The following ESR1 variants were observed in gnomAD, a reference collection of about 807,000 sequenced individuals.
ESR1 encodes estrogen receptor 1.
ESR1 carries 12 observed loss-of-function variants against 52.7 expected under a neutral mutation model. The observed-to-expected ratio is 0.23, with a 90% CI of 0.15 to 0.37. The LOEUF (loss-of-function observed/expected upper bound fraction) is 0.37. Among genes scored for constraint, ESR1 ranks in the 10% least tolerant of loss-of-function variants. The pLI is 1.00. For missense variants in ESR1, 584 were observed against 779.7 expected, an observed-to-expected ratio of 0.75 and a Z score of 2.99; for synonymous variants, 305 against 316.8, an observed-to-expected ratio of 0.96 and a Z score of 0.39.
intron 3 of ESR1, among the ~76,000 whole-genome samples, chr6:151,938,524 T>A (rs1205523103): frequency 6.6e-6 from 1 of 152,188 alleles, no homozygotes; most frequent in Admixed American, 6.5e-5. Context: ...CTTTAGCTCC[T>A]TTCACCTTGC....
chr6:152,073,163 A>G (rs2048480247), intron 6 of ESR1, among the ~76,000 whole-genome samples: 1 of 152,094 alleles, frequency 6.6e-6, no homozygotes, highest in African/African-American at 2.4e-5. Context: ...AGTTTCGGAA[A>G]TGTGAGCAGC....
At chr6:151,749,043 G>A (rs1783697368) in intron 2 of ESR1, among the ~76,000 whole-genome samples, 1 of 151,984 alleles carries the variant, frequency 6.6e-6, no homozygotes, top group African/African-American at 2.4e-5. Context: ...AGTCTAATAA[G>A]GGGGACATAT....
chr6:151,724,754 C>A (rs527297676), intron 2 of ESR1, among the ~76,000 whole-genome samples: 2 of 152,278 alleles, frequency 1.3e-5, no homozygotes, highest in East Asian at 3.9e-4. Context: ...GGGGGAAATT[C>A]GCCCAGCGTT....
intron 2 of ESR1, among the ~76,000 whole-genome samples, chr6:151,862,415 G>A (rs1247521815): frequency 2.0e-5 from 3 of 152,148 alleles, no homozygotes; most frequent in Non-Finnish European, 2.9e-5. Context: ...AGTTAGTCCT[G>A]GTTGCCAAGG....
Position 152,099,731 on chromosome 6 carries a change from A to C in ESR1, c.*765A>C. 3.2e-6 allele frequency: 1 copy of C among 315,028 alleles called. No homozygotes were observed. Among genetic ancestry groups the C allele is most frequent in the South Asian group, 1.6e-4 (1 of 6,274 alleles). The allele number at this position is 315,028 out of a possible 1,614,324, so 19.5% of individuals were successfully genotyped here. A position where few individuals can be genotyped will look rare whatever the true frequency, so the allele number is the denominator to read the frequency against. On this transcript the variant is annotated 3_prime_UTR_variant, in exon 8 of 8. Transcript: ENST00000206249. ...GAGAGCAGCAAGTTGATCTTAGTTA[A>C]GTCTCCCTATATGAGGGATAAGTTC...
intron 1 of ESR1, among the ~76,000 whole-genome samples, chr6:151,676,360 G>A (rs1250507793): frequency 6.6e-6 from 1 of 152,198 alleles, no homozygotes; most frequent in Non-Finnish European, 1.5e-5. Context: ...CCTGTTTTAT[G>A]AACAAATACT....
rs1263967862 is a variant in ESR1, at chr6:151,924,726, T to G, written c.761-19447T>G. ...TCCTGCATTAGTTTGCTAAGGATAA[T>G]GTCCTCCAGCTCCATCCTTGTTCCT... On this transcript the variant is annotated intron_variant, in intron 3 of 7. Coordinates refer to ENST00000206249, the MANE Select transcript of ESR1 (RefSeq NM_000125.4). Among the ~76,000 whole-genome samples, 13 of 152,336 alleles carry G rather than the reference T, an allele frequency of 8.5e-5. No homozygotes were observed. In the East Asian group the frequency reaches 2.3e-3, roughly 27 times the overall value.
At chr6:152,105,862 G>A (rs1300381246), downstream of ESR1, among the ~76,000 whole-genome samples, 6 of 127,180 alleles carry the variant, frequency 4.7e-5, no homozygotes, top group South Asian at 2.6e-4. Flanking sequence ...ATCTCGGCTC[G>A]CTGCAAGCTC....
chr6:151,697,773 T>C (rs768615817), intron 1 of ESR1, among the ~76,000 whole-genome samples: 2 of 146,036 alleles, frequency 1.4e-5, no homozygotes, highest in African/African-American at 4.9e-5. Flanking sequence ...TATGATTCTA[T>C]AGCTTTTGCC....
intron 1 of ESR1, among the ~76,000 whole-genome samples, chr6:151,828,405 A>G (rs1483856847): frequency 1.3e-5 from 2 of 152,198 alleles, no homozygotes; most frequent in Non-Finnish European, 2.9e-5. Context: ...GAGAGGTAGC[A>G]GAGTGAAGCT....
chr6:152,028,888 C>A (rs995661706), intron 5 of ESR1, among the ~76,000 whole-genome samples: 19 of 152,284 alleles, frequency 1.2e-4, no homozygotes, highest in Non-Finnish European at 1.3e-4. Context: ...ACTGGGCACA[C>A]CCCAGTAGGG....
intron 4 of ESR1, among the ~76,000 whole-genome samples, chr6:151,964,233 T>C (rs2038000145): frequency 6.6e-6 from 1 of 152,196 alleles, no homozygotes; most frequent in Admixed American, 6.5e-5. Flanking sequence ...TGATAGGAAG[T>C]GCATTGAATC....
chr6:151,859,802 G>A (rs1342539488), intron 2 of ESR1, among the ~76,000 whole-genome samples: 3 of 152,134 alleles, frequency 2.0e-5, no homozygotes, highest in Non-Finnish European at 2.9e-5. Flanking sequence ...CCTGGGGCTC[G>A]CCCTGTGAAA....
At chr6:151,700,770 T>C (rs1779716836) in intron 1 of ESR1, among the ~76,000 whole-genome samples, 1 of 150,754 alleles carries the variant, frequency 6.6e-6, no homozygotes, top group Non-Finnish European at 1.5e-5. Context: ...ATATTTCAGA[T>C]GGAAAAACAA....
intron 2 of ESR1, among the ~76,000 whole-genome samples, chr6:151,760,633 C>G (rs562798774): frequency 6.6e-6 from 1 of 152,194 alleles, no homozygotes; most frequent in Non-Finnish European, 1.5e-5. Flanking sequence ...CCAGCCTGCT[C>G]CCTTAATGCT....
chr6:151,835,590 G>A (rs1783194630), intron 1 of ESR1, among the ~76,000 whole-genome samples: 1 of 152,220 alleles, frequency 6.6e-6, no homozygotes, highest in African/African-American at 2.4e-5. Flanking sequence ...CTTAAGATAA[G>A]TCGTATAAAT....
intron 2 of ESR1, among the ~76,000 whole-genome samples, chr6:151,744,897 G>A (rs1203007975): frequency 6.6e-6 from 1 of 152,148 alleles, no homozygotes; most frequent in East Asian, 1.9e-4. Flanking sequence ...TATGGTGTGA[G>A]GTAGAGGTTC....
At chr6:151,905,130 C>T (rs139301496) in intron 3 of ESR1, among the ~76,000 whole-genome samples, 21 of 152,196 alleles carry the variant, frequency 1.4e-4, no homozygotes, top group African/African-American at 5.1e-4. Context: ...CTCCAATGAA[C>T]CACCCAGGTT....
intron 4 of ESR1, among the ~76,000 whole-genome samples, chr6:152,000,797 T>G (rs1226726875): frequency 6.6e-6 from 1 of 152,088 alleles, no homozygotes; most frequent in Non-Finnish European, 1.5e-5. Flanking sequence ...TTTTGGTCTT[T>G]TTTAGTAACC....
Sources: gnomAD v4.1 joint callset for allele counts (sites outside exome capture counted in the v4.1 genomes callset) on GRCh38, gnomAD v4.1.1 for gene constraint, MANE v1.5 for transcripts, NCBI Gene and HGNC (gene_info 2026-07-23, HGNC 2026-07-21) for gene names.